CADM2: variants seen among roughly 807,000 people sequenced by gnomAD.
CADM2 encodes the protein immunoglobulin superfamily member 4D.
CADM2 carries 12 observed loss-of-function variants against 49.8 expected under a neutral mutation model. That is an observed-to-expected ratio of 0.24 (90% CI 0.15 to 0.39). The LOEUF (loss-of-function observed/expected upper bound fraction) is 0.39. Among genes scored for constraint, CADM2 ranks in the 10% least tolerant of loss-of-function variants. The pLI is 1.00. For synonymous variants in CADM2, 214 were observed against 175.4 expected (o/e 1.22, Z -1.74); for missense variants, 378 against 492.3 (o/e 0.77, Z 2.20).
At chr3:85,995,933 C>CA (rs1233595075) in intron 8 of CADM2, among the ~76,000 whole-genome samples, 2 of 151,060 alleles carry the variant, frequency 1.3e-5, no homozygotes, top group Non-Finnish European at 3.0e-5. Context: ...ATTAAAAATA[C>CA]AAAAAAATTA....
intron 1 of CADM2, among the ~76,000 whole-genome samples, chr3:85,212,546 A>G (rs2107771007): frequency 6.6e-6 from 1 of 152,316 alleles, no homozygotes; most frequent in African/African-American, 2.4e-5. Context: ...ACCAACAAGT[A>G]AACAAATAAG....
At chr3:85,832,373 A>G (rs1389759215) in intron 3 of CADM2, among the ~76,000 whole-genome samples, 1 of 151,954 alleles carries the variant, frequency 6.6e-6, no homozygotes, top group Non-Finnish European at 1.5e-5. Context: ...GTAGTTTGAT[A>G]GGAATAGCAT....
At chr3:85,022,440 A>G (rs1400714058) in intron 1 of CADM2, among the ~76,000 whole-genome samples, 2 of 152,138 alleles carry the variant, frequency 1.3e-5, no homozygotes, top group Non-Finnish European at 2.9e-5. Context: ...TTCAAATGCA[A>G]TGGCACAGCT....
chr3:85,637,340 C>T (rs1423282520), intron 1 of CADM2, among the ~76,000 whole-genome samples: 1 of 151,768 alleles, frequency 6.6e-6, no homozygotes, highest in Non-Finnish European at 1.5e-5. Flanking sequence ...CGGTGGCTCA[C>T]GCCTGTAATC....
intron 1 of CADM2, among the ~76,000 whole-genome samples, chr3:85,346,550 C>G (rs1269820458): frequency 2.6e-5 from 4 of 151,942 alleles, no homozygotes; most frequent in Non-Finnish European, 5.9e-5. Flanking sequence ...CAAAAGCCTG[C>G]TTTTGAATAA....
intron 1 of CADM2, among the ~76,000 whole-genome samples, chr3:85,393,286 C>T (rs1201997583): frequency 6.6e-6 from 1 of 151,878 alleles, no homozygotes; most frequent in Admixed American, 6.6e-5. Flanking sequence ...TAATGATGTC[C>T]AAAGGGAAAG....
intron 1 of CADM2, among the ~76,000 whole-genome samples, chr3:85,415,542 A>G (rs2035881278): frequency 6.6e-6 from 1 of 152,076 alleles, no homozygotes; most frequent in African/African-American, 2.4e-5. Context: ...ATAAAAAACA[A>G]CTGTTTTATA....
intron 2 of CADM2, among the ~76,000 whole-genome samples, chr3:85,791,057 C>T (rs1374055358): frequency 6.6e-6 from 1 of 152,134 alleles, no homozygotes; most frequent in Non-Finnish European, 1.5e-5. Flanking sequence ...TCAGACAAAC[C>T]TAAAAGCTGC....
intron 1 of CADM2, among the ~76,000 whole-genome samples, chr3:85,365,456 C>T (rs370295385): frequency 6.6e-6 from 1 of 152,010 alleles, no homozygotes; most frequent in Non-Finnish European, 1.5e-5. Context: ...AATATTGGCC[C>T]ATTATTCAAT....
At chr3:85,068,755 T>A (rs2036611804) in intron 1 of CADM2, among the ~76,000 whole-genome samples, 2 of 151,744 alleles carry the variant, frequency 1.3e-5, no homozygotes. Flanking sequence ...TTTGTTTTAT[T>A]TTATTTTTAC....
At chr3:85,227,046 A>G (rs747699960) in intron 1 of CADM2, among the ~76,000 whole-genome samples, 5 of 152,114 alleles carry the variant, frequency 3.3e-5, no homozygotes, top group Non-Finnish European at 7.3e-5. Context: ...TACTTCCAAT[A>G]TGTGGTCAAT....
intron 1 of CADM2, among the ~76,000 whole-genome samples, chr3:85,623,055 A>G (rs2064022779): frequency 6.6e-6 from 1 of 152,086 alleles, no homozygotes; most frequent in Admixed American, 6.6e-5. Context: ...AAGCCCACTG[A>G]TAAGAATCAG....
chr3:85,761,301 T>A (rs2069360080), intron 2 of CADM2, among the ~76,000 whole-genome samples: 1 of 152,032 alleles, frequency 6.6e-6, no homozygotes, highest in Non-Finnish European at 1.5e-5. Flanking sequence ...TATGTATATA[T>A]TTATTGATCA....
intron 2 of CADM2, among the ~76,000 whole-genome samples, chr3:85,758,522 T>C (rs558852120): frequency 7.2e-5 from 11 of 152,158 alleles, no homozygotes; most frequent in Non-Finnish European, 1.5e-4. Context: ...TAATTTTATG[T>C]GTTTCTTTAT....
rs542075780 is a variant in CADM2 at position 85,330,092 on chromosome 3, A to G, written c.61+370424A>G. On this transcript the variant is annotated intron_variant, in intron 1 of 9. Transcript: ENST00000383699. ...ATAAAGCCATTCCTAGTGAAGTTCT[A>G]TTTCAGGTTCACATAAAAGAAATCC... 8.1e-4 allele frequency among the ~76,000 whole-genome samples: 123 copies of G among 152,270 alleles called. 2 individuals are homozygous for G. Among genetic ancestry groups the G allele is most frequent in the Non-Finnish European group, 1.5e-3 (103 of 68,008 alleles).
At chr3:85,809,687 CCTTCCTTCCTTCCT>C in intron 3 of CADM2, among the ~76,000 whole-genome samples, 1 of 126,882 alleles carries the variant, frequency 7.9e-6, no homozygotes, top group Non-Finnish European at 1.7e-5. Context: ...TTCCTTCCTT[CCTTCCTTCCTTCCT>C]TCCTTCCTTC....
intron 1 of CADM2, among the ~76,000 whole-genome samples, chr3:85,079,948 TCTTTGATA>T (rs1238863018): frequency 6.6e-6 from 1 of 151,826 alleles, no homozygotes; most frequent in African/African-American, 2.4e-5. Flanking sequence ...ACATTTCCAC[TCTTTGATA>T]CACTATTGGA....
intron 1 of CADM2, among the ~76,000 whole-genome samples, chr3:84,983,403 G>T (rs114866583): frequency 0.028 from 4,149 of 150,056 alleles, 195 homozygotes; most frequent in African/African-American, 0.096. Context: ...TTATTCCCGT[G>T]TAGTAGTTTG....
At chr3:85,507,772 C>T (rs2040423050) in intron 1 of CADM2, among the ~76,000 whole-genome samples, 1 of 152,156 alleles carries the variant, frequency 6.6e-6, no homozygotes, top group Admixed American at 6.5e-5. Flanking sequence ...TTTTCTCATG[C>T]TCTCAAAATG....
Sources: allele counts gnomAD v4.1 joint callset (sites outside exome capture counted in the v4.1 genomes callset), GRCh38; gene constraint gnomAD v4.1.1; transcripts MANE v1.5; gene names NCBI Gene and HGNC (gene_info 2026-07-23, HGNC 2026-07-21).